Variants in HSPA12A observed in about 807,000 individuals in gnomAD.
HSPA12A encodes heat shock protein family A (Hsp70) member 12A.
In HSPA12A, 28 loss-of-function variants were observed where a neutral mutation model predicts 69.2. The ratio of observed to expected loss-of-function variants is 0.40; its 90% CI spans 0.30 to 0.55. HSPA12A has a LOEUF of 0.55. HSPA12A is among the 20% of genes least tolerant of loss of function. The pLI is 0.38. For missense variants in HSPA12A, 686 were observed against 900.7 expected, an observed-to-expected ratio of 0.76 and a Z score of 3.05; for synonymous variants, 345 against 370.5, an observed-to-expected ratio of 0.93 and a Z score of 0.79.
chr10:116,808,593 GT>G (rs2133179193), intron 2 of HSPA12A, among the ~76,000 whole-genome samples: 1 of 152,258 alleles, frequency 6.6e-6, no homozygotes, highest in African/African-American at 2.4e-5. Flanking sequence ...CCTTAAACCT[GT>G]TCATTTCCAG....
chr10:116,753,523 T>C (rs781982902), intron 2 of HSPA12A, among the ~76,000 whole-genome samples: 40 of 152,218 alleles, frequency 2.6e-4, no homozygotes, highest in Non-Finnish European at 4.7e-4. Context: ...ACAAAAATCA[T>C]ACTTATTCTT....
rs1849088906 is a variant in HSPA12A, at chr10:116,671,808, T to G, written c.*2973A>C. ...AGATAATATGCCAGGGACAATTGAG[T>G]AATGGGTCAAGACAACAGGCCTTGT... On this transcript the variant is annotated 3_prime_UTR_variant, in exon 12 of 12. Coordinates refer to ENST00000369209, the MANE Select transcript of HSPA12A (RefSeq NM_025015.3). 6.6e-6 allele frequency: 1 copy of G among 152,558 alleles called. No homozygotes were observed. Among genetic ancestry groups the G allele is most frequent in the Non-Finnish European group, 1.5e-5 (1 of 68,040 alleles). The allele number at this position is 152,558 out of a possible 1,614,324, so 9.5% of individuals were successfully genotyped here. A position where few individuals can be genotyped will look rare whatever the true frequency, so the allele number is the denominator to read the frequency against.
At chr10:116,761,529 G>T (rs1393554303) in intron 2 of HSPA12A, among the ~76,000 whole-genome samples, 1 of 150,918 alleles carries the variant, frequency 6.6e-6, no homozygotes, top group Non-Finnish European at 1.5e-5. Context: ...GCTAACTAGT[G>T]AGGAACTCAT....
chr10:116,674,436 T>C lies in HSPA12A; in HGVS notation c.*345A>G. The C allele has an allele frequency of 1.3e-5, 3 of 231,088 alleles. No individual in the cohort carries two copies. The South Asian group carries it at 3.5e-4, about 27-fold the overall frequency. The allele number at this position is 231,088 out of a possible 1,614,324, so 14.3% of individuals were successfully genotyped here. A position where few individuals can be genotyped will look rare whatever the true frequency, so the allele number is the denominator to read the frequency against. On this transcript the variant is annotated 3_prime_UTR_variant, in exon 12 of 12. Transcript: ENST00000369209. ...AAAGACAGCAATAGGGCATCCTAAA[T>C]TCTACATAACGGAGATCTGTTCAAA...
At chr10:116,738,673 G>T (rs146826138) in intron 1 of HSPA12A, among the ~76,000 whole-genome samples, 1 of 152,116 alleles carries the variant, frequency 6.6e-6, no homozygotes, top group African/African-American at 2.4e-5. Flanking sequence ...ATTAAGTACC[G>T]AAGGCTTTGG....
intron 2 of HSPA12A, among the ~76,000 whole-genome samples, chr10:116,753,899 T>G (rs1269493740): frequency 2.6e-5 from 4 of 152,206 alleles, no homozygotes; most frequent in African/African-American, 9.7e-5. Context: ...TCTAATCATA[T>G]GAACACTCGC....
At chr10:116,842,973 C>T (rs1398547890) in intron 1 of HSPA12A, among the ~76,000 whole-genome samples, 2 of 152,204 alleles carry the variant, frequency 1.3e-5, no homozygotes, top group East Asian at 1.9e-4. Context: ...CTTCCAGTTT[C>T]ATTCTGCCCA....
intron 2 of HSPA12A, among the ~76,000 whole-genome samples, chr10:116,814,292 A>G (rs886067804): frequency 6.6e-6 from 1 of 152,240 alleles, no homozygotes; most frequent in Non-Finnish European, 1.5e-5. Context: ...TCTAAGAGAC[A>G]TAAAGTCACA....
chr10:116,795,515 TA>T (rs112773070), intron 2 of HSPA12A, among the ~76,000 whole-genome samples: 89 of 140,726 alleles, frequency 6.3e-4, no homozygotes, highest in South Asian at 1.8e-3. Context: ...CTGCCGCTAC[TA>T]AAAAAAAAAA....
intron 2 of HSPA12A, among the ~76,000 whole-genome samples, chr10:116,758,597 A>C (rs1374477327): frequency 6.6e-6 from 1 of 152,072 alleles, no homozygotes; most frequent in African/African-American, 2.4e-5. Context: ...TCCAGTTAGA[A>C]TCCCTGCCTG....
intron 1 of HSPA12A, among the ~76,000 whole-genome samples, chr10:116,847,154 C>T (rs1241503282): frequency 6.6e-6 from 1 of 152,178 alleles, no homozygotes; most frequent in African/African-American, 2.4e-5. Flanking sequence ...CCATCAAAAC[C>T]AGATGACGCA....
intron 1 of HSPA12A, among the ~76,000 whole-genome samples, chr10:116,739,452 C>G (rs967345945): frequency 1.8e-4 from 28 of 152,144 alleles, no homozygotes; most frequent in African/African-American, 6.8e-4. Context: ...TGCCAGGCCT[C>G]GAGAGATACC....
chr10:116,777,989 G>A lies in HSPA12A; in HGVS notation c.91+56946C>T, dbSNP rs912057824. ...GATCCGCCCGCCTCAACCTCCCAAAGTGCTGGGATTACAGACACGAGCCAC... is the reference window on the plus strand; with the variant it reads ...GATCCGCCCGCCTCAACCTCCCAAAATGCTGGGATTACAGACACGAGCCAC... On this transcript the variant is annotated intron_variant, in intron 2 of 12. Transcript: ENST00000635765. Among the ~76,000 whole-genome samples, 6 of 152,170 alleles carry A rather than the reference G, an allele frequency of 3.9e-5. No homozygotes were observed. In the East Asian group the frequency reaches 9.6e-4, roughly 24 times the overall value.
intron 2 of HSPA12A, among the ~76,000 whole-genome samples, chr10:116,795,327 T>C (rs1844794575): frequency 6.6e-6 from 1 of 152,196 alleles, no homozygotes; most frequent in South Asian, 2.1e-4. Context: ...TTTTCCTACA[T>C]TTGACAGGTA....
chr10:116,687,224 C>T (rs75537624), intron 6 of HSPA12A, among the ~76,000 whole-genome samples: 1 of 152,324 alleles, frequency 6.6e-6, no homozygotes, highest in African/African-American at 2.4e-5. Context: ...CTCAGCTCCA[C>T]AGCAAAAGCT....
chr10:116,688,937 TATC>T (rs1304543574), intron 6 of HSPA12A, among the ~76,000 whole-genome samples: 1 of 152,202 alleles, frequency 6.6e-6, no homozygotes, highest in Non-Finnish European at 1.5e-5. Context: ...TTCTTTCTGT[TATC>T]ATCTTTTCAC....
intron 2 of HSPA12A, among the ~76,000 whole-genome samples, chr10:116,757,836 G>A (rs34958610): frequency 0.016 from 2,448 of 152,234 alleles, 77 homozygotes; most frequent in African/African-American, 0.057. Context: ...GAGACTGAGC[G>A]ACCTATTAGA....
intron 1 of HSPA12A, among the ~76,000 whole-genome samples, chr10:116,720,513 G>C (rs1263276163): frequency 3.3e-5 from 5 of 152,366 alleles, no homozygotes; most frequent in African/African-American, 9.6e-5. Context: ...GCTAGTCAGA[G>C]TAGAATGGCC....
At chr10:116,727,626 G>A (rs1851011586) in intron 1 of HSPA12A, among the ~76,000 whole-genome samples, 1 of 152,134 alleles carries the variant, frequency 6.6e-6, no homozygotes, top group Admixed American at 6.5e-5. Context: ...ACCATACTTT[G>A]AGTAGCCAAA....
Sources: gnomAD v4.1 joint callset for allele counts (sites outside exome capture counted in the v4.1 genomes callset) on GRCh38, gnomAD v4.1.1 for gene constraint, MANE v1.5 for transcripts, NCBI Gene and HGNC (gene_info 2026-07-23, HGNC 2026-07-21) for gene names.